CLDN14: variants seen among roughly 807,000 people sequenced by gnomAD.
CLDN14 encodes claudin 14.
A neutral mutation model predicts 2.1 loss-of-function variants in CLDN14; 2 were observed. That is an observed-to-expected ratio of 0.96 (90% CI 0.39 to 3.01). CLDN14 has a LOEUF of 3.01. CLDN14 is among the 30% of genes most tolerant of loss of function. The pLI, the probability that CLDN14 is intolerant of heterozygous loss-of-function variation, is 0.09. For missense variants in CLDN14, 298 were observed against 328.0 expected (o/e 0.91, Z 0.71); for synonymous variants, 136 against 154.4 (o/e 0.88, Z 0.88).
At chr21:36,485,591 T>G (rs2086886912) in intron 2 of CLDN14, among the ~76,000 whole-genome samples, 1 of 152,244 alleles carries the variant, frequency 6.6e-6, no homozygotes, top group Admixed American at 6.5e-5. Context: ...TACAGCAAGA[T>G]GTTGCACTAG....
chr21:36,473,945 A>C (rs1294930933), intron 1 of CLDN14, among the ~76,000 whole-genome samples: 1 of 152,216 alleles, frequency 6.6e-6, no homozygotes, highest in African/African-American at 2.4e-5. Context: ...CTGAGCACTG[A>C]GAAGTGGTCA....
At chr21:36,541,234 C>T (rs992014755) in intron 1 of CLDN14, among the ~76,000 whole-genome samples, 6 of 152,140 alleles carry the variant, frequency 3.9e-5, no homozygotes, top group South Asian at 2.1e-4. Context: ...GTTTATCAAT[C>T]GGGTACTTGT....
At chr21:36,471,040 G>A (rs1472087647) in intron 1 of CLDN14, among the ~76,000 whole-genome samples, 1 of 152,190 alleles carries the variant, frequency 6.6e-6, no homozygotes, top group Non-Finnish European at 1.5e-5. Flanking sequence ...TCCAGGACAG[G>A]CATTGAGTGT....
At chr21:36,543,961 A>C (rs1327668875) in intron 1 of CLDN14, among the ~76,000 whole-genome samples, 2 of 152,228 alleles carry the variant, frequency 1.3e-5, no homozygotes, top group Non-Finnish European at 2.9e-5. Flanking sequence ...TTTACTTAGC[A>C]AAGAAACTGA....
chr21:36,501,409 G>T (rs903528870), intron 2 of CLDN14, among the ~76,000 whole-genome samples: 2 of 118,068 alleles, frequency 1.7e-5, no homozygotes, highest in Non-Finnish European at 3.3e-5. Flanking sequence ...AGTGTGAGTT[G>T]TAGAAACCAG....
chr21:36,469,354 G>A (rs747232831), intron 1 of CLDN14, among the ~76,000 whole-genome samples: 3 of 152,048 alleles, frequency 2.0e-5, no homozygotes, highest in Admixed American at 6.6e-5. Flanking sequence ...AGACTGGCAG[G>A]CATCTAGATT....
intron 1 of CLDN14, among the ~76,000 whole-genome samples, chr21:36,561,276 C>T (rs916067799): frequency 6.6e-6 from 1 of 152,208 alleles, no homozygotes; most frequent in Non-Finnish European, 1.5e-5. Context: ...GGTCTTGTTG[C>T]AGGTCTGTGG....
intron 1 of CLDN14, among the ~76,000 whole-genome samples, chr21:36,574,929 C>A (rs2087731522): frequency 6.6e-6 from 1 of 152,182 alleles, no homozygotes; most frequent in Non-Finnish European, 1.5e-5. Context: ...TCCACCCCAC[C>A]CTGTCCCCTG....
chr21:36,497,399 GAGGGAGGGAGGGAGGA>G lies in CLDN14; in HGVS notation c.-82+12948_-82+12963del, dbSNP rs1322138834. Among the ~76,000 whole-genome samples the G allele has an allele frequency of 1.9e-3, 137 of 70,608 alleles. 3 individuals carry two copies. Among genetic ancestry groups the G allele is most frequent in the Non-Finnish European group, 3.4e-3 (107 of 31,348 alleles). The allele number at this position is 70,608 out of a possible 152,430, so 46.3% of individuals were successfully genotyped here. A position where few individuals can be genotyped will look rare whatever the true frequency, so the allele number is the denominator to read the frequency against. On this transcript the variant is annotated intron_variant, in intron 2 of 2. Transcript: ENST00000342108. ...GGAGGGAGGGAGGGAGGAAGGAAGG[GAGGGAGGGAGGGAGGA>G]AGGGAGGGAGGCAGGCGGCAGGCAC...
rs981704813 is a variant in CLDN14 at position 36,461,507 on chromosome 21, C to T, written c.189G>A (p.Gln63=). The part of the protein sequence containing the change: ...ECVWHSTGIY[Q]CQIYRSLLAL... ...CCAGCAGGGATCGGTAGATCTGGCA[C>T]TGGTAGATGCCTGTGCTGTGCCACA... Residue 63 remains glutamine (Q), a synonymous_variant, in exon 2 of 2, where the codon CAG becomes CAA. Transcript: ENST00000399135. 1.9e-6 allele frequency: 3 copies of T among 1,613,430 alleles called. No homozygotes were observed. The highest frequency in any genetic ancestry group is 1.3e-5 in the African/African-American group (1 of 75,062).
At chr21:36,500,485 G>A (rs1345545768) in intron 2 of CLDN14, among the ~76,000 whole-genome samples, 1 of 152,182 alleles carries the variant, frequency 6.6e-6, no homozygotes, top group African/African-American at 2.4e-5. Flanking sequence ...AGGCTGGAGT[G>A]CAGTGGTGCA....
At chr21:36,533,909 G>A (rs372589890) in intron 1 of CLDN14, among the ~76,000 whole-genome samples, 25 of 152,140 alleles carry the variant, frequency 1.6e-4, no homozygotes, top group African/African-American at 5.1e-4. Context: ...TAATACCTGG[G>A]TGATGAAATA....
upstream of CLDN14, among the ~76,000 whole-genome samples, chr21:36,483,079 T>G (rs1273109735): frequency 1.3e-5 from 2 of 152,230 alleles, no homozygotes; most frequent in Non-Finnish European, 2.9e-5. Flanking sequence ...GAGGCAGGGT[T>G]TGAACCGAGC....
rs1337501442 is a variant in CLDN14 at position 36,551,625 on chromosome 21, T to C, written c.-220+24786A>G. Among the ~76,000 whole-genome samples the C allele has an allele frequency of 1.3e-5, 2 of 151,958 alleles. No individual in the cohort carries two copies. The highest frequency in any genetic ancestry group is 4.8e-5 in the African/African-American group (2 of 41,346). On this transcript the variant is annotated intron_variant, in intron 1 of 2. Transcript: ENST00000342108. This position sits in a 1 kb window ranked among gnomAD's most constrained non-coding sequence, Gnocchi z 4.8. ...GGATCTGAGATGCCGCCTTGGGTGG[T>C]GGGTAGAGGGATGACCCTGAGCCAG...
intron 1 of CLDN14, among the ~76,000 whole-genome samples, chr21:36,556,130 C>A (rs907753712): frequency 6.6e-6 from 1 of 152,136 alleles, no homozygotes; most frequent in African/African-American, 2.4e-5. Context: ...CAGCTCACCT[C>A]GGGGACCCTT....
At chr21:36,501,830 G>A (rs2087094578) in intron 2 of CLDN14, among the ~76,000 whole-genome samples, 1 of 152,050 alleles carries the variant, frequency 6.6e-6, no homozygotes, top group Middle Eastern at 3.2e-3. Context: ...TGTTTTTGAT[G>A]GCAGGAGGGA....
chr21:36,537,660 T>C (rs1305712414), intron 1 of CLDN14, among the ~76,000 whole-genome samples: 1 of 150,310 alleles, frequency 6.7e-6, no homozygotes, highest in Non-Finnish European at 1.5e-5. Context: ...TCTTTTCTTT[T>C]TTTTTTTGAG....
At chr21:36,514,632 T>A (rs2087212663) in intron 1 of CLDN14, among the ~76,000 whole-genome samples, 1 of 136,806 alleles carries the variant, frequency 7.3e-6, no homozygotes, top group Non-Finnish European at 1.5e-5. Context: ...AGTGTGTGTG[T>A]GTGTGTGTGT....
rs1537102 is a variant in CLDN14 at position 36,469,036 on chromosome 21, A to G, written c.-81-7260T>C. On this transcript the variant is annotated intron_variant, in intron 1 of 1. Transcript: ENST00000399135. ...CTGCCTCCCAAAGTGCTAGGATTACAGGTGTGAGCCACTGTGCCCGGACTC... is the reference window on the plus strand; with the variant it reads ...CTGCCTCCCAAAGTGCTAGGATTACGGGTGTGAGCCACTGTGCCCGGACTC... Among the ~76,000 whole-genome samples, 264 of 152,302 alleles carry G rather than the reference A, an allele frequency of 1.7e-3. 1 individual carries two copies. Among genetic ancestry groups the G allele is most frequent in the African/African-American group, 5.9e-3 (246 of 41,558 alleles).
Sources: gnomAD v4.1 joint callset for allele counts (sites outside exome capture counted in the v4.1 genomes callset) on GRCh38, gnomAD v4.1.1 for gene constraint, Gnocchi (gnomAD v3.1) non-coding constraint, MANE v1.5 for transcripts, NCBI Gene and HGNC (gene_info 2026-07-23, HGNC 2026-07-21) for gene names.